AKAP8L: variants seen among roughly 807,000 people sequenced by gnomAD.
AKAP8L encodes the protein A-kinase anchoring protein 8 like, also known as A-kinase anchor protein 8-like.
In AKAP8L, 34 loss-of-function variants were observed where a neutral mutation model predicts 77.5. The ratio of observed to expected loss-of-function variants is 0.44; its 90% CI spans 0.33 to 0.58. The LOEUF (loss-of-function observed/expected upper bound fraction) is 0.58. AKAP8L is among the 20% of genes least tolerant of loss of function. The pLI, the probability that AKAP8L is intolerant of heterozygous loss-of-function variation, is 0.02. For synonymous variants in AKAP8L, 342 were observed against 340.7 expected (o/e 1.00, Z -0.04); for missense variants, 806 against 887.6 (o/e 0.91, Z 1.17).
chr19:15,389,094 G>A (rs1967604077), intron 12 of AKAP8L, among the ~76,000 whole-genome samples: 1 of 148,554 alleles, frequency 6.7e-6, no homozygotes, highest in Non-Finnish European at 1.5e-5. Context: ...CGTGGTGGTG[G>A]GCGCCTATAG....
At chr19:15,402,296 G>A (rs181290776) in intron 4 of AKAP8L, among the ~76,000 whole-genome samples, 5 of 152,170 alleles carry the variant, frequency 3.3e-5, no homozygotes, top group Non-Finnish European at 5.9e-5. Context: ...AGAGGGCACC[G>A]CAGAGAGCTC....
intron 12 of AKAP8L, among the ~76,000 whole-genome samples, chr19:15,390,273 C>T (rs1041446672): frequency 4.6e-5 from 7 of 151,822 alleles, no homozygotes; most frequent in Non-Finnish European, 7.4e-5. Context: ...CAAAACTAGC[C>T]GGGCATGATG....
intron 12 of AKAP8L, among the ~76,000 whole-genome samples, chr19:15,393,740 G>A (rs1391983588): frequency 6.6e-6 from 1 of 152,036 alleles, no homozygotes; most frequent in East Asian, 1.9e-4. Flanking sequence ...GACCAACATG[G>A]AGAAACCCCG....
chr19:15,392,214 G>A (rs147651056), intron 12 of AKAP8L, among the ~76,000 whole-genome samples: 37 of 152,316 alleles, frequency 2.4e-4, no homozygotes, highest in African/African-American at 7.9e-4. Context: ...TCAATATATT[G>A]GCTGAGCACA....
chr19:15,380,960 C>T lies in AKAP8L; in HGVS notation c.1537-348G>A, dbSNP rs190973227. On this transcript the variant is annotated intron_variant, in intron 12 of 13. Transcript: ENST00000397410. ...GTGGGTGCAACCTGTAACAAGGTGC[C>T]AACTAGGCTAATAGGCAAGGAGCAC... 1.6e-5 allele frequency: 4 copies of T among 244,956 alleles called. No homozygotes were observed. In the East Asian group the frequency reaches 3.5e-4, roughly 21 times the overall value. The allele number at this position is 244,956 out of a possible 1,614,324, so 15.2% of individuals were successfully genotyped here.
At chr19:15,407,949 G>T (rs1968032532) in intron 2 of AKAP8L, among the ~76,000 whole-genome samples, 1 of 152,174 alleles carries the variant, frequency 6.6e-6, no homozygotes, top group South Asian at 2.1e-4. Context: ...TTGGAAAAAA[G>T]AACAAACCTG....
chr19:15,380,287 G>A lies in AKAP8L; in HGVS notation c.1776C>T (p.Pro592=). The part of the protein sequence containing the change: ...AEGVPAQPPV[P]PEPAPGAVSP... Reference sequence around the variant, plus strand: ...ACACGGCCCCGGGGGCTGGCTCTGGGGGCACGGGAGGCTGCGCCGGCACGC... The same window carrying A: ...ACACGGCCCCGGGGGCTGGCTCTGGAGGCACGGGAGGCTGCGCCGGCACGC... The change falls in exon 14 of 14, where the codon CCC becomes CCT. Residue 592 remains proline (P), a synonymous_variant. Coordinates refer to ENST00000397410, the MANE Select transcript of AKAP8L (RefSeq NM_014371.4). The A allele has an allele frequency of 1.3e-6, 2 of 1,527,732 alleles. No individual in the cohort carries two copies. The highest frequency in any genetic ancestry group is 2.0e-4 in the Middle Eastern group (1 of 4,972). 94.6% of individuals were successfully genotyped at this position (1,527,732 alleles called of 1,614,324 possible).
rs1967933493 is a variant in AKAP8L at position 15,403,278 on chromosome 19, G to A, written c.362+197C>T. Reference sequence around the variant, plus strand: ...TGGGAAAGGCTGACCACCAGGCAGTGCGGCAGGGGTTGAGGGTGGGTGAGA... The same window carrying A: ...TGGGAAAGGCTGACCACCAGGCAGTACGGCAGGGGTTGAGGGTGGGTGAGA... On this transcript the variant is annotated intron_variant, in intron 4 of 13. Coordinates refer to ENST00000397410, the MANE Select transcript of AKAP8L (RefSeq NM_014371.4). This position sits in a 1 kb window ranked among gnomAD's most constrained non-coding sequence, Gnocchi z 4.3. 1 of 599,238 alleles carries A rather than the reference G, an allele frequency of 1.7e-6. No homozygotes were observed. The allele number at this position is 599,238 out of a possible 1,614,324, so 37.1% of individuals were successfully genotyped here.
intron 12 of AKAP8L, among the ~76,000 whole-genome samples, chr19:15,394,271 T>G (rs1270982987): frequency 6.6e-6 from 1 of 152,184 alleles, no homozygotes; most frequent in African/African-American, 2.4e-5. Context: ...CATGCTACAA[T>G]GTGGCTGGAC....
intron 12 of AKAP8L, among the ~76,000 whole-genome samples, chr19:15,389,555 G>A (rs1158449188): frequency 4.6e-5 from 7 of 151,604 alleles, no homozygotes; most frequent in Admixed American, 4.6e-4. Flanking sequence ...GGCAGATCAC[G>A]AGGTCAGGAG....
At position 15,380,193 on chromosome 19, in the gene AKAP8L, G is replaced by A. The variant is rs1258737906; in HGVS notation, c.1870C>T (p.Gln624Ter). ...GAVPLLGGAL[Q>*]RQIRGIPGLD... ...CCCGGGATGCCGCGGATCTGGCGTTGCAGCGCCCCTCCCAGCAAGGGCACG... is the reference window on the plus strand; with the variant it reads ...CCCGGGATGCCGCGGATCTGGCGTTACAGCGCCCCTCCCAGCAAGGGCACG... The change falls in exon 14 of 14, where the codon CAA (glutamine) becomes TAA (stop). Residue 624 changes from glutamine (Q) to a stop codon, truncating the protein, a stop_gained. Coordinates refer to ENST00000397410, the MANE Select transcript of AKAP8L (RefSeq NM_014371.4). LOFTEE classifies it high-confidence loss of function. 6.6e-7 allele frequency: 1 copy of A among 1,507,208 alleles called. No homozygotes were observed. The highest frequency in any genetic ancestry group is 2.1e-5 in the Admixed American group (1 of 47,722). The allele number at this position is 1,507,208 out of a possible 1,614,324, so 93.4% of individuals were successfully genotyped here. A position where few individuals can be genotyped will look rare whatever the true frequency, so the allele number is the denominator to read the frequency against.
In AKAP8L at chr19:15,399,398, G is replaced by A; in HGVS notation, c.1061C>T (p.Thr354Ile). 1.2e-6 allele frequency: 2 copies of A among 1,613,816 alleles called. No homozygotes were observed. Among genetic ancestry groups the A allele is most frequent in the South Asian group, 2.2e-5 (2 of 91,090 alleles). The change falls in exon 9 of 14, where the codon ACC becomes ATC. Residue 354 changes from threonine (T) to isoleucine (I), a missense_variant. This residue lies in a region of AKAP8L where 580 missense variants were observed against 694.1 expected (regional missense o/e 0.84). Coordinates refer to ENST00000397410, the MANE Select transcript of AKAP8L (RefSeq NM_014371.4). This position sits in a 1 kb window ranked among gnomAD's most constrained non-coding sequence, Gnocchi z 6.1. ...KEDPEKGALTTQDENGQTKRK... is the reference protein window; with the variant it reads ...KEDPEKGALTIQDENGQTKRK... ...CTTGGTCTGGCCATTTTCATCCTGG[G>A]TGGTTAGGGCCCCTGTGGGAGCAGA...
At position 15,401,461 on chromosome 19, in the gene AKAP8L, G is replaced by A. The variant is rs200843493; in HGVS notation, c.505C>T (p.Arg169Cys). The A allele has an allele frequency of 6.1e-5, 99 of 1,613,766 alleles. No homozygotes were observed. The highest frequency in any genetic ancestry group is 1.8e-4 in the East Asian group (8 of 44,882). The change falls in exon 5 of 14, where the codon CGC (arginine) becomes TGC (cysteine). Residue 169 changes from arginine to cysteine, a missense_variant. Around this residue, in one of 2 missense-constraint regions of AKAP8L, gnomAD observed 580 missense variants for 694.1 expected, o/e 0.84. Coordinates refer to ENST00000397410, the MANE Select transcript of AKAP8L (RefSeq NM_014371.4). The surrounding 1 kb of genome is among the most constrained non-coding windows in gnomAD (Gnocchi z 6.2). ...CCGAAGGTGTCGTTGCCACGCATGC[G>A]GAACTGGTCGCGGTAGGCATCGTAT... ...GQYDAYRDQF[R>C]MRGNDTFGPR...
At chr19:15,410,649 C>A (rs1369177026) in intron 1 of AKAP8L, 55 bp from the exon 2 acceptor site, 1 of 1,389,274 alleles carries the variant, frequency 7.2e-7, no homozygotes, top group African/African-American at 1.4e-5. Context: ...GGGAAATGAC[C>A]TGAGACTACC....
At chr19:15,410,448 G>T in intron 2 of AKAP8L, 72 bp downstream of exon 2, 1 of 1,371,560 alleles carries the variant, frequency 7.3e-7, no homozygotes, top group Non-Finnish European at 1.0e-6. Flanking sequence ...TGACAGCAAA[G>T]CCAAAGGCAA....
chr19:15,380,539 T>C lies in AKAP8L; in HGVS notation c.1610A>G (p.Lys537Arg), dbSNP rs1018031827. Residue 537 changes from lysine to arginine, a missense_variant, in exon 13 of 14, where the codon AAG becomes AGG. Transcript: ENST00000397410. Reference protein sequence around the residue: ...RSILNNKLISKKLERYLKGEN... With the variant: ...RSILNNKLISRKLERYLKGEN... ...CACCTTCAGGTAGCGCTCCAGCTTC[T>C]TGCTGATGAGCTTGTTGTTGAGAAT... is the stretch of plus-strand genomic sequence containing the variant. 1.5e-5 allele frequency: 25 copies of C among 1,613,958 alleles called. No individual in the cohort carries two copies. Among genetic ancestry groups the C allele is most frequent in the Admixed American group, 6.7e-5 (4 of 60,028 alleles).
At chr19:15,391,101 AAGG>A (rs1375472679) in intron 12 of AKAP8L, among the ~76,000 whole-genome samples, 5 of 152,178 alleles carry the variant, frequency 3.3e-5, no homozygotes, top group Admixed American at 2.6e-4. Context: ...CTAGATTGGA[AAGG>A]AGAAGTAAAA....
rs1967934802 is a variant in AKAP8L at position 15,403,325 on chromosome 19, G to C, written c.362+150C>G. On this transcript the variant is annotated intron_variant, in intron 4 of 13. Transcript: ENST00000397410. This position sits in a 1 kb window ranked among gnomAD's most constrained non-coding sequence, Gnocchi z 4.3. ...GAGAGGAGACACAAGTCAGAGACGGGAAGTGCAACGGACCCTGCTGGGAGC... is the reference window on the plus strand; with the variant it reads ...GAGAGGAGACACAAGTCAGAGACGGCAAGTGCAACGGACCCTGCTGGGAGC... The C allele has an allele frequency of 1.4e-6, 1 of 702,670 alleles. No homozygotes were observed. The highest frequency in any genetic ancestry group is 2.4e-6 in the Non-Finnish European group (1 of 410,526). 43.5% of individuals were successfully genotyped at this position (702,670 alleles called of 1,614,324 possible). A position where few individuals can be genotyped will look rare whatever the true frequency, so the allele number is the denominator to read the frequency against.
chr19:15,406,864 T>C (rs566925451), intron 2 of AKAP8L, among the ~76,000 whole-genome samples: 1 of 152,346 alleles, frequency 6.6e-6, no homozygotes, highest in East Asian at 1.9e-4. Context: ...TTTAACGTAA[T>C]AGTTAATCAG....
Sources: allele counts gnomAD v4.1 joint callset (sites outside exome capture counted in the v4.1 genomes callset), GRCh38; gene constraint gnomAD v4.1.1; regional missense constraint gnomAD v4.1.1; non-coding constraint Gnocchi (gnomAD v3.1); transcripts MANE v1.5; gene names NCBI Gene and HGNC (gene_info 2026-07-23, HGNC 2026-07-21).